CTXND1: variants seen among roughly 807,000 people sequenced by gnomAD.
The protein encoded by CTXND1 is cortexin domain-containing 1 protein.
chr15:80,232,527 G>T (rs1048625097), intron 1 of CTXND1, among the ~76,000 whole-genome samples: 5 of 152,140 alleles, frequency 3.3e-5, no homozygotes, highest in Non-Finnish European at 7.3e-5. Flanking sequence ...TAATGAAGTT[G>T]AGTGGAACAC....
chr15:80,237,117 C>T (rs545875166), intron 1 of CTXND1, among the ~76,000 whole-genome samples: 91 of 152,114 alleles, frequency 6.0e-4, no homozygotes, highest in Non-Finnish European at 1.1e-3. Flanking sequence ...TGGCAGATCA[C>T]GAGATCAGCA....
chr15:80,212,368 A>T (rs1265872004), intron 1 of CTXND1, among the ~76,000 whole-genome samples: 2 of 152,242 alleles, frequency 1.3e-5, no homozygotes, highest in Admixed American at 6.5e-5. Context: ...TTTAAATTCA[A>T]GATATCAAAC....
intron 1 of CTXND1, among the ~76,000 whole-genome samples, chr15:80,204,185 T>TAC (rs1181355723): frequency 4.3e-5 from 2 of 46,326 alleles, no homozygotes; most frequent in African/African-American, 2.0e-4. Flanking sequence ...TATATATATA[T>TAC]ATATATATAT....
chr15:80,235,481 C>A (rs1333351250), intron 1 of CTXND1, among the ~76,000 whole-genome samples: 1 of 152,148 alleles, frequency 6.6e-6, no homozygotes, highest in East Asian at 1.9e-4. Flanking sequence ...ATTTGCATAA[C>A]CTAGTTGTGG....
At chr15:80,212,850 G>A (rs58857132) in intron 1 of CTXND1, among the ~76,000 whole-genome samples, 6,353 of 152,206 alleles carry the variant, frequency 0.042, 445 homozygotes, top group African/African-American at 0.14. Context: ...AAACTAACCA[G>A]CTAAAAATAT....
chr15:80,247,503 T>C (rs112256317), intron 1 of CTXND1, among the ~76,000 whole-genome samples: 1,547 of 151,464 alleles, frequency 0.01, 27 homozygotes, highest in African/African-American at 0.036. Flanking sequence ...CTGGGGAGGG[T>C]GGGGAGTGGG....
At chr15:80,222,393 T>C (rs929469036) in intron 1 of CTXND1, among the ~76,000 whole-genome samples, 10 of 152,150 alleles carry the variant, frequency 6.6e-5, no homozygotes, top group Non-Finnish European at 1.2e-4. Context: ...GTAAAATACT[T>C]CAATTTAAAG....
chr15:80,206,470 C>G (rs1893148140), intron 1 of CTXND1, among the ~76,000 whole-genome samples: 1 of 152,120 alleles, frequency 6.6e-6, no homozygotes, highest in South Asian at 2.1e-4. Context: ...TGGTATCTCT[C>G]CTTTTTGGCC....
At chr15:80,250,381 T>C (rs1893679954) in intron 1 of CTXND1, among the ~76,000 whole-genome samples, 1 of 152,134 alleles carries the variant, frequency 6.6e-6, no homozygotes, top group Admixed American at 6.5e-5. Flanking sequence ...TTTAAACAAC[T>C]CCTATTCTGC....
At chr15:80,231,717 G>A (rs1157733692) in intron 1 of CTXND1, among the ~76,000 whole-genome samples, 1 of 152,064 alleles carries the variant, frequency 6.6e-6, no homozygotes, top group African/African-American at 2.4e-5. Flanking sequence ...GCAGAGTGTT[G>A]CCCAGGATGA....
intron 1 of CTXND1, among the ~76,000 whole-genome samples, chr15:80,239,829 G>T (rs1043994175): frequency 6.6e-6 from 1 of 152,106 alleles, no homozygotes; most frequent in Non-Finnish European, 1.5e-5. Flanking sequence ...CTGTCTCCTT[G>T]TGATGTCTAT....
intron 1 of CTXND1, among the ~76,000 whole-genome samples, chr15:80,211,505 G>T (rs1269528497): frequency 1.3e-5 from 2 of 152,168 alleles, no homozygotes; most frequent in East Asian, 1.9e-4. Flanking sequence ...ACTGCACTTG[G>T]TGGCCTCACT....
At chr15:80,216,703 C>T (rs573120988) in intron 1 of CTXND1, among the ~76,000 whole-genome samples, 20 of 152,228 alleles carry the variant, frequency 1.3e-4, no homozygotes, top group Non-Finnish European at 2.6e-4. Context: ...CAAACTCTGC[C>T]TCCTGGGTTC....
intron 1 of CTXND1, among the ~76,000 whole-genome samples, chr15:80,232,125 GA>G (rs1893438658): frequency 6.6e-6 from 1 of 152,140 alleles, no homozygotes; most frequent in Non-Finnish European, 1.5e-5. Context: ...ATCTGACTGT[GA>G]CAAGCCTGGA....
chr15:80,223,714 G>A (rs909789134), intron 1 of CTXND1, among the ~76,000 whole-genome samples: 1 of 151,788 alleles, frequency 6.6e-6, no homozygotes, highest in African/African-American at 2.4e-5. Flanking sequence ...CACTTGGTAG[G>A]TTGGGCCTTG....
intron 1 of CTXND1, among the ~76,000 whole-genome samples, chr15:80,237,901 C>G (rs1473100370): frequency 1.3e-5 from 2 of 148,520 alleles, no homozygotes; most frequent in Non-Finnish European, 3.0e-5. Context: ...CCCAGCTACT[C>G]AGGAGACTGA....
rs1239703897 is a variant in CTXND1, at chr15:80,201,587, C to T, written c.*183G>A. On this transcript the variant is annotated 3_prime_UTR_variant, in exon 3 of 3. Transcript: ENST00000560778. ...CCATGGTTGCGACACCCACGGCACC[C>T]GGGCATTCCACGCTGGTGCTCGAGG... 7.6e-6 allele frequency: 3 copies of T among 392,786 alleles called. No homozygotes were observed. Among genetic ancestry groups the T allele is most frequent in the Admixed American group, 8.9e-5 (2 of 22,522 alleles). The allele number at this position is 392,786 out of a possible 1,614,324, so 24.3% of individuals were successfully genotyped here.
At chr15:80,219,269 TTAAA>T (rs1302450791) in intron 1 of CTXND1, among the ~76,000 whole-genome samples, 1 of 152,062 alleles carries the variant, frequency 6.6e-6, no homozygotes, top group Non-Finnish European at 1.5e-5. Context: ...TTTTAAAACT[TTAAA>T]TATTATTGAG....
chr15:80,207,668 T>C (rs1406950327), intron 1 of CTXND1, among the ~76,000 whole-genome samples: 3 of 152,226 alleles, frequency 2.0e-5, no homozygotes, highest in African/African-American at 7.2e-5. Flanking sequence ...AGGGTGATGT[T>C]ATTTTTCTGC....
Sources: gnomAD v4.1 joint callset for allele counts (sites outside exome capture counted in the v4.1 genomes callset) on GRCh38, gnomAD v4.1.1 for gene constraint, MANE v1.5 for transcripts, NCBI Gene and HGNC (gene_info 2026-07-23, HGNC 2026-07-21) for gene names.